FOXP1: variants seen among roughly 807,000 people sequenced by gnomAD.
The protein encoded by FOXP1 is forkhead box P1, also known as forkhead box protein P1.
A neutral mutation model predicts 98.2 loss-of-function variants in FOXP1; 15 were observed. The ratio of observed to expected loss-of-function variants is 0.15; its 90% CI spans 0.10 to 0.24. FOXP1 has a LOEUF of 0.24. Ranked by LOEUF, FOXP1 falls within the 10% of genes least tolerant of loss-of-function variation. FOXP1 has a pLI of 1.00. For missense variants in FOXP1, 633 were observed against 848.5 expected (o/e 0.75, Z 3.15); for synonymous variants, 371 against 314.5 (o/e 1.18, Z -1.90).
At chr3:71,076,282 C>G (rs2053798797) in intron 7 of FOXP1, among the ~76,000 whole-genome samples, 1 of 152,132 alleles carries the variant, frequency 6.6e-6, no homozygotes, top group Admixed American at 6.5e-5. Flanking sequence ...GTTCCCAATA[C>G]CCAACTAACT....
rs1439580825 is a variant in FOXP1 at position 71,581,717 on chromosome 3, G to A, written c.-446-20C>T. 6 of 985,624 alleles carry A rather than the reference G, an allele frequency of 6.1e-6. No homozygotes were observed. Among genetic ancestry groups the A allele is most frequent in the East Asian group, 1.1e-4 (1 of 8,816 alleles). 61.1% of individuals were successfully genotyped at this position (985,624 alleles called of 1,614,324 possible). A position where few individuals can be genotyped will look rare whatever the true frequency, so the allele number is the denominator to read the frequency against. ...CGGGTTCTGCAGTCGACAAGAAACC[G>A]GGGCGACCCTCAGCAAGTCTTCCCC... On this transcript the variant is annotated intron_variant, in intron 1 of 20. Transcript: ENST00000649528.
chr3:71,532,178 C>T (rs895717807), intron 2 of FOXP1, among the ~76,000 whole-genome samples: 5 of 152,164 alleles, frequency 3.3e-5, no homozygotes, highest in African/African-American at 1.2e-4. Context: ...TGGCTAACTG[C>T]AACCTCCACC....
intron 5 of FOXP1, among the ~76,000 whole-genome samples, chr3:71,262,951 G>A (rs1272722040): frequency 6.6e-6 from 1 of 152,144 alleles, no homozygotes; most frequent in Non-Finnish European, 1.5e-5. Context: ...GACTCCATTG[G>A]CAAAACGGCT....
intron 5 of FOXP1, among the ~76,000 whole-genome samples, chr3:71,204,946 G>A (rs146873179): frequency 1.8e-4 from 28 of 152,288 alleles, no homozygotes; most frequent in Non-Finnish European, 3.5e-4. Context: ...CCAAGTTTAG[G>A]AGGCAAAGTC....
intron 3 of FOXP1, among the ~76,000 whole-genome samples, chr3:71,377,948 C>A (rs2079844427): frequency 6.6e-6 from 1 of 152,110 alleles, no homozygotes; most frequent in African/African-American, 2.4e-5. Context: ...CATCTAAATT[C>A]TTTTATCCCC....
Position 70,982,019 on chromosome 3 carries a change from G to A in FOXP1, c.1147-3990C>T, listed in dbSNP as rs111957846. Among the ~76,000 whole-genome samples, 38 of 152,302 alleles carry A rather than the reference G, an allele frequency of 2.5e-4. No homozygotes were observed. In the South Asian group the frequency reaches 4.3e-3, roughly 17 times the overall value. ...GAAGTTTCTTAACTTTTAAACTTCT[G>A]TTTGATGATCACATGCTTGTCTGGA... On this transcript the variant is annotated intron_variant, in intron 14 of 20. Coordinates refer to ENST00000649528, the MANE Select transcript of FOXP1 (RefSeq NM_001349338.3).
intron 1 of FOXP1, chr3:71,582,170 T>G (rs753372293): frequency 5.1e-5 from 50 of 981,626 alleles, no homozygotes; most frequent in Non-Finnish European, 5.7e-5. Flanking sequence ...AGCCCGTGTG[T>G]GTCACTGCCA....
chr3:71,006,657 G>A (rs932639650), intron 12 of FOXP1, among the ~76,000 whole-genome samples: 1 of 152,040 alleles, frequency 6.6e-6, no homozygotes, highest in African/African-American at 2.4e-5. Context: ...TTTAAGTAAT[G>A]CCTTCTAATT....
intron 5 of FOXP1, among the ~76,000 whole-genome samples, chr3:71,217,985 T>C (rs1348239677): frequency 6.6e-6 from 1 of 152,122 alleles, no homozygotes; most frequent in Non-Finnish European, 1.5e-5. Context: ...TGTGTCGACA[T>C]CCTCCCCTCC....
At chr3:71,355,719 G>A (rs1489245016) in intron 4 of FOXP1, among the ~76,000 whole-genome samples, 1 of 152,196 alleles carries the variant, frequency 6.6e-6, no homozygotes, top group African/African-American at 2.4e-5. Context: ...CCCCTGATAA[G>A]TACTACTATA....
chr3:71,390,189 C>T (rs556402746), intron 3 of FOXP1, among the ~76,000 whole-genome samples: 3 of 152,158 alleles, frequency 2.0e-5, no homozygotes, highest in Admixed American at 6.5e-5. Flanking sequence ...CAACGCAATG[C>T]CTTCACCTTG....
intron 7 of FOXP1, among the ~76,000 whole-genome samples, chr3:71,103,123 G>A (rs2057114447): frequency 6.6e-6 from 1 of 152,038 alleles, no homozygotes; most frequent in African/African-American, 2.4e-5. Context: ...CTAATGTCAG[G>A]GTAGGGGGTT....
intron 7 of FOXP1, among the ~76,000 whole-genome samples, chr3:71,112,159 GACTAC>G (rs2057993519): frequency 6.6e-6 from 1 of 152,096 alleles, no homozygotes; most frequent in African/African-American, 2.4e-5. Flanking sequence ...AATTGAGGAT[GACTAC>G]ACTAAAGTAA....
intron 2 of FOXP1, among the ~76,000 whole-genome samples, chr3:71,521,469 G>A (rs2042980290): frequency 6.6e-6 from 1 of 150,676 alleles, no homozygotes; most frequent in African/African-American, 2.4e-5. Flanking sequence ...GGAGATTGTG[G>A]TGAGCCAAGA....
chr3:71,036,300 T>C (rs1029373382), intron 11 of FOXP1, among the ~76,000 whole-genome samples: 3 of 152,306 alleles, frequency 2.0e-5, no homozygotes, highest in South Asian at 2.1e-4. Context: ...GAAGAGAGCA[T>C]AGGTTAAACC....
At chr3:70,969,277 C>T (rs763870441) in intron 19 of FOXP1, 1 of 152,080 alleles carries the variant, frequency 6.6e-6, no homozygotes, top group East Asian at 1.9e-4. Context: ...GTGGCAGCAT[C>T]GAAGCATGCT....
intron 4 of FOXP1, among the ~76,000 whole-genome samples, chr3:71,315,079 T>TAAAAAAAAAAAAAAAAAAAAAAAAAAA (rs11355298): frequency 4.2e-5 from 3 of 70,674 alleles, no homozygotes; most frequent in Admixed American, 3.6e-4. Context: ...CTGGTCCATG[T>TAAAAAAAAAAAAAAAAAAAAAAAAAAA]AAAAAAAAAA....
At chr3:71,329,581 T>C (rs1278090516) in intron 4 of FOXP1, among the ~76,000 whole-genome samples, 2 of 74,150 alleles carry the variant, frequency 2.7e-5, no homozygotes, top group Non-Finnish European at 6.3e-5. Flanking sequence ...GAGAGCAAAA[T>C]GTTGAAAAAA....
intron 13 of FOXP1, among the ~76,000 whole-genome samples, chr3:70,996,607 G>A (rs1448325187): frequency 6.6e-6 from 1 of 152,116 alleles, no homozygotes; most frequent in Non-Finnish European, 1.5e-5. Flanking sequence ...AGTTTTCTGG[G>A]GTTTAGATTC....
Sources: allele counts gnomAD v4.1 joint callset (sites outside exome capture counted in the v4.1 genomes callset), GRCh38; gene constraint gnomAD v4.1.1; transcripts MANE v1.5; gene names NCBI Gene and HGNC (gene_info 2026-07-23, HGNC 2026-07-21).